Variants in PEX1 observed in about 807,000 individuals in gnomAD.
PEX1 encodes the protein peroxisomal ATPase PEX1.
Under a neutral mutation model 152.5 loss-of-function variants are expected in PEX1, and 97 were observed. That is an observed-to-expected ratio of 0.64 (90% CI 0.54 to 0.75). The LOEUF (loss-of-function observed/expected upper bound fraction) is 0.75, where lower values mean the gene tolerates loss of function less well. Ranked by LOEUF, PEX1 falls within the 30% of genes least tolerant of loss-of-function variation. PEX1 has a pLI of 0.00. For synonymous variants in PEX1, 485 were observed against 531.6 expected, an observed-to-expected ratio of 0.91 and a Z score of 1.21; for missense variants, 1,357 against 1,516.3, an observed-to-expected ratio of 0.89 and a Z score of 1.74.
In PEX1 at chr7:92,517,827, C is replaced by T. The variant is rs781371997; in HGVS notation, c.688G>A (p.Glu230Lys). The change falls in exon 5 of 24, where the codon GAA becomes AAA. Residue 230 changes from glutamate (E) to lysine (K), a missense_variant. Physicochemically the swap from Glu to Lys is moderately conservative, Grantham distance 56 (BLOSUM62 1). Coordinates refer to ENST00000248633, the MANE Select transcript of PEX1 (RefSeq NM_000466.3). ...TCAACTGGAATCTCTGACTCGTTTT[C>T]ATTAGATTCAGTGATTCCCACAGTA... ...SNTVGITESN[E>K]NESEIPVDSS... is the part of the protein sequence containing the mutation. The T allele has an allele frequency of 1.9e-6, 3 of 1,546,784 alleles. No homozygotes were observed. The Admixed American group carries it at 6.2e-5, about 32-fold the overall frequency.
In PEX1 at chr7:92,487,505, AT is replaced by A; in HGVS notation, c.3803del (p.Asn1268IlefsTer13). ...ESFQNPKRRKNQSGTMFRPGQ... is the reference protein window; with the variant it reads ...ESFQNPKRRKXQSGTMFRPGQ... ...CAGGTCGAAACATTGTTCCACTTTG[AT>A]TTTTTCTCCTCTTTGGATTTTGAAA... is the stretch of plus-strand genomic sequence containing the variant. On this transcript the variant is annotated frameshift_variant, in exon 24 of 24. Coordinates refer to ENST00000248633, the MANE Select transcript of PEX1 (RefSeq NM_000466.3). LOFTEE classifies it high-confidence loss of function. 1 of 1,594,678 alleles carries A rather than the reference AT, an allele frequency of 6.3e-7. No individual in the cohort carries two copies. Among genetic ancestry groups the A allele is most frequent in the East Asian group, 2.2e-5 (1 of 44,516 alleles).
chr7:92,496,280 A>T (rs1017275289), intron 17 of PEX1, among the ~76,000 whole-genome samples: 4 of 152,120 alleles, frequency 2.6e-5, no homozygotes, highest in African/African-American at 9.7e-5. Flanking sequence ...GTATTCATAT[A>T]CAGTTTTTTA....
chr7:92,526,960 C>T (rs901786427), intron 1 of PEX1, among the ~76,000 whole-genome samples: 3 of 151,840 alleles, frequency 2.0e-5, no homozygotes, highest in Non-Finnish European at 4.4e-5. Flanking sequence ...TATAATTCAT[C>T]GAGGAATAAA....
intron 21 of PEX1, among the ~76,000 whole-genome samples, chr7:92,490,463 C>T (rs1269563650): frequency 6.6e-6 from 1 of 151,820 alleles, no homozygotes; most frequent in Non-Finnish European, 1.5e-5. Flanking sequence ...GGTGAAACCT[C>T]GTCTCTACAA....
chr7:92,498,287 C>T (rs983824993), intron 16 of PEX1, among the ~76,000 whole-genome samples: 1 of 151,248 alleles, frequency 6.6e-6, no homozygotes, highest in Non-Finnish European at 1.5e-5. Flanking sequence ...GCAGATCACT[C>T]GAGGTCAGGA....
chr7:92,509,195 G>A, intron 9 of PEX1, 134 bp downstream of exon 9: 1 of 653,722 alleles, frequency 1.5e-6, no homozygotes, highest in Admixed American at 2.5e-5. Flanking sequence ...GACAATCCTT[G>A]AAAAAATATC....
chr7:92,504,725 C>T lies in PEX1; in HGVS notation c.2071+7G>A. Reference sequence around the variant, plus strand: ...CAAGACCTTAAGCCAGTGGTGGATGCATTTACCATGAGCAAGCCGCTGGCT... The same window carrying T: ...CAAGACCTTAAGCCAGTGGTGGATGTATTTACCATGAGCAAGCCGCTGGCT... On this transcript the variant is annotated splice_region_variant and intron_variant, in intron 12 of 23. Transcript: ENST00000248633. 2 of 1,613,590 alleles carry T rather than the reference C, an allele frequency of 1.2e-6. No individual in the cohort carries two copies. The highest frequency in any genetic ancestry group is 1.7e-6 in the Non-Finnish European group (2 of 1,179,774).
rs558106619 is a variant in PEX1, at chr7:92,524,885, G to C, written c.130-2640C>G. ...ATGCTTTCTATGGGTTTTCATCAGA[G>C]TCAGCAATACATAATCCAGATAAAT... On this transcript the variant is annotated intron_variant, in intron 1 of 23. Transcript: ENST00000248633. Among the ~76,000 whole-genome samples, 18 of 152,214 alleles carry C rather than the reference G, an allele frequency of 1.2e-4. No homozygotes were observed. In the East Asian group the frequency reaches 3.5e-3, roughly 29 times the overall value.
In PEX1 at chr7:92,511,747, C is replaced by A. The variant is rs376624977; in HGVS notation, c.1360-44G>T. The A allele has an allele frequency of 1.9e-6, 3 of 1,579,494 alleles. No individual in the cohort carries two copies. In the African/African-American group the frequency reaches 4.0e-5, roughly 21 times the overall value. On this transcript the variant is annotated intron_variant, in intron 6 of 23. Coordinates refer to ENST00000248633, the MANE Select transcript of PEX1 (RefSeq NM_000466.3). ...GTAATGAATTATCCTCATATCTGAA[C>A]TTAACTTTAACACCCTTATTTTAAC...
intron 5 of PEX1, among the ~76,000 whole-genome samples, chr7:92,515,621 T>C (rs1314206328): frequency 6.6e-6 from 1 of 152,196 alleles, no homozygotes; most frequent in African/African-American, 2.4e-5. Flanking sequence ...ACCAGCTAAA[T>C]CATAAGCTCA....
At chr7:92,487,575 AATACT>A (rs1790997566) in intron 23 of PEX1, 34 bp from the exon 24 acceptor site, 1 of 937,808 alleles carries the variant, frequency 1.1e-6, no homozygotes, top group Admixed American at 1.9e-5. Flanking sequence ...AATATGTATA[AATACT>A]ACCATTACAA....
chr7:92,499,687 A>C lies in PEX1; in HGVS notation c.2718+17T>G. The C allele has an allele frequency of 4.4e-6, 7 of 1,598,244 alleles. No homozygotes were observed. Among genetic ancestry groups the C allele is most frequent in the Non-Finnish European group, 6.0e-6 (7 of 1,165,958 alleles). On this transcript the variant is annotated intron_variant, in intron 16 of 23. Transcript: ENST00000248633. ...AATTTTACCTAAATAAAAAAAGAAG[A>C]TAAGTAGACAACATACCTTGACACT...
intron 17 of PEX1, among the ~76,000 whole-genome samples, chr7:92,495,156 A>G (rs997100956): frequency 6.6e-6 from 1 of 152,072 alleles, no homozygotes; most frequent in East Asian, 1.9e-4. Context: ...TATAAAATAT[A>G]TTTTATTTCT....
At chr7:92,493,202 G>T in intron 19 of PEX1, 73 bp from the exon 20 acceptor site, 1 of 876,778 alleles carries the variant, frequency 1.1e-6, no homozygotes, top group Non-Finnish European at 1.8e-6. Flanking sequence ...TGTATCTTAT[G>T]ATTTTCTTCA....
rs546628880 is a variant in PEX1, at chr7:92,515,049, G to GA, written c.1240-1083dup. Reference sequence around the variant, plus strand: ...GCGACAGAGTGAGACTCCGTCTCAAGAAAAAAAAAAAAATTATCTATATAT... The same window carrying GA: ...GCGACAGAGTGAGACTCCGTCTCAAGAAAAAAAAAAAAAATTATCTATATAT... On this transcript the variant is annotated intron_variant, in intron 5 of 23. Coordinates refer to ENST00000248633, the MANE Select transcript of PEX1 (RefSeq NM_000466.3). 9.1e-3 allele frequency among the ~76,000 whole-genome samples: 853 copies of GA among 93,862 alleles called. 17 individuals are homozygous for GA. Among genetic ancestry groups the GA allele is most frequent in the African/African-American group, 0.029 (751 of 26,012 alleles). The allele number at this position is 93,862 out of a possible 152,430, so 61.6% of individuals were successfully genotyped here. A position where few individuals can be genotyped will look rare whatever the true frequency, so the allele number is the denominator to read the frequency against.
intron 11 of PEX1, 58 bp from the exon 12 acceptor site, chr7:92,504,960 G>A (rs1031093836): frequency 1.5e-6 from 2 of 1,348,410 alleles, no homozygotes; most frequent in Admixed American, 1.7e-5. Flanking sequence ...GAAAATTCAG[G>A]TTGTCCTTTT....
chr7:92,521,069 C>T (rs1793028634), intron 2 of PEX1, among the ~76,000 whole-genome samples: 1 of 152,210 alleles, frequency 6.6e-6, no homozygotes, highest in African/African-American at 2.4e-5. Context: ...AAGCATTCCT[C>T]CTACCTCAGT....
chr7:92,494,174 G>T, intron 19 of PEX1, 119 bp downstream of exon 19: 1 of 794,912 alleles, frequency 1.3e-6, no homozygotes, highest in Admixed American at 2.0e-5. Context: ...AGTGGCTAAA[G>T]CTTTTCCCTA....
Position 92,503,191 on chromosome 7 carries a change from C to A in PEX1, c.2076G>T (p.Leu692Phe), listed in dbSNP as rs761292090. ...AVQSQRLAHALNDMIKEFISM... is the reference protein window; with the variant it reads ...AVQSQRLAHAFNDMIKEFISM... ...AGATAAACTCTTTTATCATATCATT[C>A]AAAGCTGGAATTAAGCAATATAGTG... The change falls in exon 13 of 24, where the codon TTG (leucine) becomes TTT (phenylalanine). Residue 692 changes from leucine to phenylalanine, a missense_variant. Transcript: ENST00000248633. 3 of 1,613,126 alleles carry A rather than the reference C, an allele frequency of 1.9e-6. No individual in the cohort carries two copies. In the South Asian group the frequency reaches 3.3e-5, roughly 18 times the overall value.
Sources: gnomAD v4.1 joint callset for allele counts (sites outside exome capture counted in the v4.1 genomes callset) on GRCh38, gnomAD v4.1.1 for gene constraint, MANE v1.5 for transcripts, NCBI Gene and HGNC (gene_info 2026-07-23, HGNC 2026-07-21) for gene names.